Variants in PICALM observed in about 807,000 individuals in gnomAD.
The protein encoded by PICALM is phosphatidylinositol binding clathrin assembly protein.
Under a neutral mutation model 80.5 loss-of-function variants are expected in PICALM, and 40 were observed. The observed-to-expected ratio is 0.50, with a 90% CI of 0.39 to 0.65. The LOEUF (loss-of-function observed/expected upper bound fraction) is 0.65. Ranked by LOEUF, PICALM falls within the 30% of genes least tolerant of loss-of-function variation. The pLI, the probability that PICALM is intolerant of heterozygous loss-of-function variation, is 0.00. For synonymous variants in PICALM, 288 were observed against 260.3 expected, an observed-to-expected ratio of 1.11 and a Z score of -1.02; for missense variants, 676 against 778.9, an observed-to-expected ratio of 0.87 and a Z score of 1.57.
intron 1 of PICALM, among the ~76,000 whole-genome samples, chr11:86,033,122 A>G (rs1376203555): frequency 6.6e-6 from 1 of 152,184 alleles, no homozygotes; most frequent in Non-Finnish European, 1.5e-5. Flanking sequence ...AAAAAATGGA[A>G]TTTAATCTCT....
chr11:86,004,026 T>C (rs751188224), intron 8 of PICALM, among the ~76,000 whole-genome samples: 4 of 152,216 alleles, frequency 2.6e-5, no homozygotes, highest in Non-Finnish European at 5.9e-5. Context: ...GAAAATGGAT[T>C]AGGTTGTTCT....
At position 85,993,385 on chromosome 11, in the gene PICALM, C is replaced by CT. The variant is rs566945894; in HGVS notation, c.1259-2987dup. Among the ~76,000 whole-genome samples the CT allele has an allele frequency of 3.1e-3, 471 of 152,048 alleles. 3 individuals carry two copies. Among genetic ancestry groups the CT allele is most frequent in the South Asian group, 0.011 (51 of 4,816 alleles). On this transcript the variant is annotated intron_variant, in intron 12 of 19. Coordinates refer to ENST00000393346, the MANE Select transcript of PICALM (RefSeq NM_007166.4). The stretch of plus-strand genomic sequence containing the variant: ...ACAAGTGTGAGCCACTGCACCCAGT[C>CT]TAAAATTTTTAAATATAGTTTTGTC...
chr11:86,019,068 A>C (rs2136435097), intron 4 of PICALM, among the ~76,000 whole-genome samples: 1 of 152,220 alleles, frequency 6.6e-6, no homozygotes, highest in African/African-American at 2.4e-5. Context: ...AGACACACTA[A>C]AATGTTAACA....
intron 1 of PICALM, among the ~76,000 whole-genome samples, chr11:86,049,384 GTT>G (rs1457208397): frequency 6.6e-6 from 1 of 152,108 alleles, no homozygotes; most frequent in African/African-American, 2.4e-5. Flanking sequence ...TTGATATTCA[GTT>G]TTAACACACA....
At chr11:86,038,986 C>T (rs2095896949) in intron 1 of PICALM, among the ~76,000 whole-genome samples, 2 of 151,758 alleles carry the variant, frequency 1.3e-5, no homozygotes, top group African/African-American at 4.8e-5. Context: ...GACAACACGA[C>T]TGTAATCCCA....
At chr11:86,035,947 CAAAAAAA>C (rs543040504) in intron 1 of PICALM, among the ~76,000 whole-genome samples, 14 of 66,496 alleles carry the variant, frequency 2.1e-4, no homozygotes, top group African/African-American at 7.1e-4. Flanking sequence ...GACTCTGCCT[CAAAAAAA>C]AAAAAAAAAA....
intron 1 of PICALM, among the ~76,000 whole-genome samples, chr11:86,040,282 T>C (rs1195312844): frequency 6.6e-6 from 1 of 152,092 alleles, no homozygotes; most frequent in South Asian, 2.1e-4. Context: ...AAATGTCATG[T>C]GGTGAGGTAT....
intron 1 of PICALM, 101 bp downstream of exon 1, chr11:86,068,550 G>A (rs1031858294): frequency 1.7e-5 from 19 of 1,127,838 alleles, no homozygotes; most frequent in Middle Eastern, 2.9e-4. Context: ...GACGCAGGGA[G>A]GGAAGAGGCA....
chr11:86,050,458 G>T (rs2096166948), intron 1 of PICALM, among the ~76,000 whole-genome samples: 1 of 152,126 alleles, frequency 6.6e-6, no homozygotes, highest in Non-Finnish European at 1.5e-5. Flanking sequence ...ACCTATTACA[G>T]ATTTCTAATA....
At chr11:86,011,675 T>C (rs2095396143) in intron 6 of PICALM, among the ~76,000 whole-genome samples, 1 of 152,130 alleles carries the variant, frequency 6.6e-6, no homozygotes, top group South Asian at 2.1e-4. Flanking sequence ...GATTAAAGCA[T>C]CCCTGAGTAA....
At chr11:86,010,317 G>A (rs1462295065) in intron 7 of PICALM, among the ~76,000 whole-genome samples, 5 of 150,436 alleles carry the variant, frequency 3.3e-5, no homozygotes, top group South Asian at 2.1e-4. Flanking sequence ...CATTTCTGTC[G>A]GGGAACAAAA....
chr11:86,000,192 C>T (rs2095099632), intron 11 of PICALM, among the ~76,000 whole-genome samples: 1 of 152,104 alleles, frequency 6.6e-6, no homozygotes, highest in Non-Finnish European at 1.5e-5. Flanking sequence ...ACCAAGAAAC[C>T]TGGCAACTAA....
At chr11:86,013,492 C>T (rs535683102) in intron 5 of PICALM, among the ~76,000 whole-genome samples, 3 of 152,018 alleles carry the variant, frequency 2.0e-5, no homozygotes, top group African/African-American at 7.2e-5. Flanking sequence ...TAGAAACACA[C>T]ACACACACAG....
intron 12 of PICALM, among the ~76,000 whole-genome samples, chr11:85,996,441 T>C (rs555762542): frequency 9.9e-5 from 15 of 152,082 alleles, no homozygotes; most frequent in African/African-American, 3.6e-4. Flanking sequence ...TATCATATAC[T>C]TAACACAAAG....
In PICALM at chr11:86,042,970, C is replaced by A. The variant is rs140000824; in HGVS notation, c.131-11359G>T. Reference sequence around the variant, plus strand: ...GAGGTTAAAGGAATTGGGACTAAGTCTGGAGAAAAGTACGTTATTAGTTAG... The same window carrying A: ...GAGGTTAAAGGAATTGGGACTAAGTATGGAGAAAAGTACGTTATTAGTTAG... On this transcript the variant is annotated intron_variant, in intron 1 of 19. Coordinates refer to ENST00000393346, the MANE Select transcript of PICALM (RefSeq NM_007166.4). Among the ~76,000 whole-genome samples, 58 of 152,158 alleles carry A rather than the reference C, an allele frequency of 3.8e-4. No homozygotes were observed. In the East Asian group the frequency reaches 0.01, roughly 26 times the overall value.
chr11:86,048,430 T>A (rs760054546), intron 1 of PICALM, among the ~76,000 whole-genome samples: 22 of 152,210 alleles, frequency 1.4e-4, no homozygotes, highest in Non-Finnish European at 3.2e-4. Flanking sequence ...TTATACTCTA[T>A]AAAGTCTAAG....
chr11:86,036,941 C>CCAAAAAAA (rs1474031074), intron 1 of PICALM, among the ~76,000 whole-genome samples: 76 of 25,226 alleles, frequency 3.0e-3, no homozygotes, highest in Middle Eastern at 0.015. Context: ...GTCTCAACAA[C>CCAAAAAAA]AACCAAAAAA....
intron 13 of PICALM, among the ~76,000 whole-genome samples, chr11:85,984,311 C>T (rs1026793786): frequency 3.3e-5 from 5 of 152,074 alleles, no homozygotes; most frequent in African/African-American, 9.7e-5. Context: ...TTGCATGAAG[C>T]AAAACATTTA....
chr11:85,990,241 GTACTT>G lies in PICALM; in HGVS notation c.1408+4_1408+8del. 1 of 1,559,442 alleles carries G rather than the reference GTACTT, an allele frequency of 6.4e-7. No homozygotes were observed. The highest frequency in any genetic ancestry group is 8.8e-7 in the Non-Finnish European group (1 of 1,138,224). On this transcript the variant is annotated splice_donor_5th_base_variant and intron_variant, in intron 13 of 19. Coordinates refer to ENST00000393346, the MANE Select transcript of PICALM (RefSeq NM_007166.4). ...ATTGATTGGAAAAAAAGGTTAAATG[GTACTT>G]TACCAACAAACATTTCATGAGTAGG...
Sources: allele counts gnomAD v4.1 joint callset (sites outside exome capture counted in the v4.1 genomes callset), GRCh38; gene constraint gnomAD v4.1.1; transcripts MANE v1.5; gene names NCBI Gene and HGNC (gene_info 2026-07-23, HGNC 2026-07-21).